The following AMZ2 variants were observed in gnomAD, a reference collection of about 807,000 sequenced individuals.
AMZ2 encodes archaelysin family metallopeptidase 2.
In AMZ2, 26 loss-of-function variants were observed where a neutral mutation model predicts 36.7. That is an observed-to-expected ratio of 0.71 (90% CI 0.52 to 0.98). The LOEUF is 0.98. Ranked by LOEUF, AMZ2 falls within the 50% of genes least tolerant of loss-of-function variation. The probability of loss-of-function intolerance (pLI) is 0.00; values close to 1 mark genes in which losing one functional copy is unlikely to be tolerated. For missense variants in AMZ2, 394 were observed against 430.5 expected, an observed-to-expected ratio of 0.92 and a Z score of 0.75; for synonymous variants, 144 against 149.1, an observed-to-expected ratio of 0.97 and a Z score of 0.25.
At chr17:68,226,796 T>A (rs1177948695) in intron 1 of AMZ2, among the ~76,000 whole-genome samples, 2 of 152,030 alleles carry the variant, frequency 1.3e-5, no homozygotes, top group Non-Finnish European at 2.9e-5. Context: ...CCTAATTTAC[T>A]CCTAAAATGT....
chr17:68,233,884 C>A (rs2073727801), intron 1 of AMZ2, among the ~76,000 whole-genome samples: 1 of 151,930 alleles, frequency 6.6e-6, no homozygotes, highest in African/African-American at 2.4e-5. Context: ...ACCACACCTG[C>A]TTAAGCTGAT....
intron 1 of AMZ2, among the ~76,000 whole-genome samples, chr17:68,224,464 CG>C (rs1414604426): frequency 2.6e-5 from 4 of 151,956 alleles, no homozygotes; most frequent in Non-Finnish European, 4.4e-5. Context: ...AACACCTATG[CG>C]GCAGTTTCAG....
upstream of AMZ2, among the ~76,000 whole-genome samples, chr17:68,245,268 G>T (rs146547597): frequency 6.8e-3 from 1,035 of 151,612 alleles, 16 homozygotes; most frequent in African/African-American, 0.024. Context: ...TTTGAACAGG[G>T]TCTCACTCTG....
chr17:68,256,311 ATG>A (rs1486118485), intron 6 of AMZ2, among the ~76,000 whole-genome samples: 2 of 152,052 alleles, frequency 1.3e-5, no homozygotes, highest in Admixed American at 1.3e-4. Context: ...TAATCTCAGT[ATG>A]TGTGTGTGTG....
rs560380503 is a variant in AMZ2 at position 68,250,713 on chromosome 17, T to TC, written c.284-81_284-80insC. 4.9e-4 allele frequency: 661 copies of TC among 1,359,112 alleles called. 8 individuals carry two copies. The South Asian group carries it at 8.9e-3, about 18-fold the overall frequency. The allele number at this position is 1,359,112 out of a possible 1,614,324, so 84.2% of individuals were successfully genotyped here. On this transcript the variant is annotated intron_variant, in intron 2 of 6. Transcript: ENST00000359904. ...ATTTAGAGTTGGTTTTGTTTCTAAT[T>TC]TGAATCTTCTTACTCATAGACTGGG...
intron 1 of AMZ2, among the ~76,000 whole-genome samples, chr17:68,214,907 G>A (rs1427891175): frequency 4.0e-5 from 6 of 151,878 alleles, no homozygotes; most frequent in African/African-American, 1.4e-4. Context: ...CTTCAGTCCC[G>A]CAAATAGCTG....
At chr17:68,218,409 G>A (rs781833434) in intron 1 of AMZ2, among the ~76,000 whole-genome samples, 14 of 151,784 alleles carry the variant, frequency 9.2e-5, no homozygotes, top group Non-Finnish European at 2.1e-4. Context: ...GGCTGGTCTC[G>A]AACTCCTGGG....
At chr17:68,248,839 G>A (rs782177127) in intron 1 of AMZ2, 134 bp downstream of exon 1, 4 of 917,858 alleles carry the variant, frequency 4.4e-6, no homozygotes, top group African/African-American at 1.8e-5. Flanking sequence ...ATTTGGTCTG[G>A]AATTTTAGTC....
intron 5 of AMZ2, among the ~76,000 whole-genome samples, chr17:68,255,275 C>A (rs1479799230): frequency 1.3e-5 from 2 of 152,202 alleles, no homozygotes; most frequent in Admixed American, 6.5e-5. Flanking sequence ...AGAATTACAA[C>A]AAGTACCCTA....
intron 1 of AMZ2, among the ~76,000 whole-genome samples, chr17:68,223,342 C>T (rs1228023586): frequency 3.3e-5 from 5 of 152,040 alleles, no homozygotes; most frequent in East Asian, 1.9e-4. Context: ...TCTTTCATCT[C>T]AGCCAGAAGC....
chr17:68,234,080 C>T (rs113014462), intron 1 of AMZ2, among the ~76,000 whole-genome samples: 3,575 of 152,084 alleles, frequency 0.024, 62 homozygotes, highest in Non-Finnish European at 0.036. Context: ...ACCTGTAATC[C>T]CAGCACTTTG....
intron 1 of AMZ2, 143 bp from the exon 2 acceptor site, chr17:68,250,045 C>G: frequency 1.2e-6 from 1 of 839,980 alleles, no homozygotes; most frequent in South Asian, 1.9e-5. Flanking sequence ...CATGAGGAAA[C>G]CACTCTAAGT....
intron 1 of AMZ2, among the ~76,000 whole-genome samples, chr17:68,226,844 C>T (rs1313341761): frequency 6.6e-6 from 1 of 151,288 alleles, no homozygotes; most frequent in African/African-American, 2.4e-5. Flanking sequence ...GAACTGGCTT[C>T]TGATTCTGGC....
intron 1 of AMZ2, among the ~76,000 whole-genome samples, chr17:68,220,804 A>G (rs2144540032): frequency 8.1e-6 from 1 of 123,298 alleles, no homozygotes; most frequent in Admixed American, 9.1e-5. Flanking sequence ...TTTTTGAGAC[A>G]GGGTCTCAAT....
In AMZ2 at chr17:68,254,481, A is replaced by G. The variant is rs1555741657; in HGVS notation, c.664A>G (p.Lys222Glu). The part of the protein sequence containing the change: ...MHYKGKVKKL[K>E]KTSSSDYSIF... ...CTATAAAGGCAAAGTGAAGAAGCTC[A>G]AGAAAACATCTTCAAGTGACTATTC... is the stretch of plus-strand genomic sequence containing the variant. The change falls in exon 5 of 7, where the codon AAG becomes GAG. Residue 222 changes from lysine to glutamate, a missense_variant. Transcript: ENST00000359904. 1.2e-6 allele frequency: 2 copies of G among 1,613,642 alleles called. No individual in the cohort carries two copies. Among genetic ancestry groups the G allele is most frequent in the Admixed American group, 1.7e-5 (1 of 60,028 alleles).
chr17:68,237,149 A>G (rs1172562203), intron 1 of AMZ2, among the ~76,000 whole-genome samples: 9 of 152,228 alleles, frequency 5.9e-5, no homozygotes, highest in African/African-American at 2.2e-4. Context: ...GTGATGAGCC[A>G]TCCTTATACA....
chr17:68,250,294 TAATG>T lies in AMZ2; in HGVS notation c.114_117del (p.Asn38LysfsTer59), dbSNP rs782651953. 18 of 1,614,112 alleles carry T rather than the reference TAATG, an allele frequency of 1.1e-5. No homozygotes were observed. In the East Asian group the frequency reaches 4.0e-4, roughly 36 times the overall value. On this transcript the variant is annotated frameshift_variant, in exon 2 of 7. Coordinates refer to ENST00000359904, the MANE Select transcript of AMZ2 (RefSeq NM_016627.5). LOFTEE classifies it high-confidence loss of function. The stretch of plus-strand genomic sequence containing the variant: ...AAATTAAATGCTGGGGAACAACGTT[TAATG>T]AATGAAGCCTTCCAGCCAGCCAGTG...
chr17:68,227,282 G>T (rs2073539802), intron 1 of AMZ2, among the ~76,000 whole-genome samples: 2 of 152,124 alleles, frequency 1.3e-5, no homozygotes, highest in African/African-American at 2.4e-5. Context: ...ATACTAATAG[G>T]TCCTCCCCCC....
rs782072584 is a variant in AMZ2, at chr17:68,250,351, C to T, written c.164C>T (p.Ser55Phe). The change falls in exon 2 of 7, where the codon TCT becomes TTT. Residue 55 changes from serine (S) to phenylalanine (F), a missense_variant. By Grantham distance (155) the Ser-to-Phe change is radical (BLOSUM62 -2). Transcript: ENST00000359904. The stretch of plus-strand genomic sequence containing the variant: ...CTCTTTGGACCCATTACCTTGCATT[C>T]TCCATCAGATTGGATCACCTCCCAC... ...SDLFGPITLH[S>F]PSDWITSHPE... 2 of 1,614,218 alleles carry T rather than the reference C, an allele frequency of 1.2e-6. No individual in the cohort carries two copies. Among genetic ancestry groups the T allele is most frequent in the East Asian group, 4.5e-5 (2 of 44,886 alleles).
Sources: allele counts gnomAD v4.1 joint callset (sites outside exome capture counted in the v4.1 genomes callset), GRCh38; gene constraint gnomAD v4.1.1; transcripts MANE v1.5; gene names NCBI Gene and HGNC (gene_info 2026-07-23, HGNC 2026-07-21).